The following NPLOC4 variants were observed in gnomAD, a reference collection of about 807,000 sequenced individuals.
NPLOC4 encodes nuclear protein localization protein 4 homolog.
A neutral mutation model predicts 80.6 loss-of-function variants in NPLOC4; 18 were observed. The ratio of observed to expected loss-of-function variants is 0.22; its 90% confidence interval spans 0.15 to 0.33. The LOEUF (loss-of-function observed/expected upper bound fraction) is 0.33, where lower values mean the gene tolerates loss of function less well. Among genes scored for constraint, NPLOC4 ranks in the 10% least tolerant of loss-of-function variants. NPLOC4 has a pLI of 1.00. For synonymous variants in NPLOC4, 313 were observed against 301.5 expected (o/e 1.04, Z -0.39); for missense variants, 540 against 786.1 (o/e 0.69, Z 3.74).
At chr17:81,583,190 C>T (rs1332444606) in intron 12 of NPLOC4, among the ~76,000 whole-genome samples, 1 of 152,242 alleles carries the variant, frequency 6.6e-6, no homozygotes, top group Non-Finnish European at 1.5e-5. Flanking sequence ...AAACCTTCCT[C>T]CCCAGCAATT....
Position 81,557,933 on chromosome 17 carries a change from A to T in NPLOC4, c.*1326T>A, listed in dbSNP as rs1355485116. 1 of 152,710 alleles carries T rather than the reference A, an allele frequency of 6.5e-6. No homozygotes were observed. The highest frequency in any genetic ancestry group is 1.5e-5 in the Non-Finnish European group (1 of 68,430). The allele number at this position is 152,710 out of a possible 1,614,324, so 9.5% of individuals were successfully genotyped here. On this transcript the variant is annotated 3_prime_UTR_variant, in exon 17 of 17. Transcript: ENST00000331134. ...AATGTTCTCTGTTCATAGTGCCAAGAATGTGGGTCACGTGGGCTTACCCCC... is the reference window on the plus strand; with the variant it reads ...AATGTTCTCTGTTCATAGTGCCAAGTATGTGGGTCACGTGGGCTTACCCCC...
chr17:81,596,710 C>A (rs542926086), intron 10 of NPLOC4, among the ~76,000 whole-genome samples: 1 of 152,232 alleles, frequency 6.6e-6, no homozygotes, highest in South Asian at 2.1e-4. Context: ...CAAACCACCC[C>A]GCCATGGGCT....
chr17:81,560,996 T>C (rs758344457), intron 16 of NPLOC4: 1 of 152,186 alleles, frequency 6.6e-6, no homozygotes, highest in Non-Finnish European at 1.5e-5. Flanking sequence ...TTTTTGTTGT[T>C]GCCGAGGCTG....
chr17:81,627,640 G>T (rs1039986122), intron 2 of NPLOC4, among the ~76,000 whole-genome samples: 13 of 152,058 alleles, frequency 8.5e-5, no homozygotes, highest in African/African-American at 3.1e-4. Flanking sequence ...TCGGAAGGCT[G>T]AGGCAGAATT....
chr17:81,590,368 T>G (rs1301702996), intron 11 of NPLOC4, among the ~76,000 whole-genome samples: 1 of 152,168 alleles, frequency 6.6e-6, no homozygotes, highest in Non-Finnish European at 1.5e-5. Flanking sequence ...TTAGACCAGA[T>G]CCCTGAAGTG....
intron 9 of NPLOC4, among the ~76,000 whole-genome samples, chr17:81,598,094 CA>C (rs71367068): frequency 0.43 from 38,218 of 88,220 alleles, 5,751 homozygotes; most frequent in Middle Eastern, 0.49. Context: ...GACTCTGTCT[CA>C]AAAAAAAAAA....
chr17:81,618,793 T>C (rs1419868680), intron 3 of NPLOC4, among the ~76,000 whole-genome samples: 1 of 151,904 alleles, frequency 6.6e-6, no homozygotes, highest in Non-Finnish European at 1.5e-5. Flanking sequence ...GATTGAGAAA[T>C]CGGATGGTTG....
At chr17:81,621,129 GAAAAGAAAAAA>G (rs747256896) in intron 3 of NPLOC4, among the ~76,000 whole-genome samples, 1 of 144,672 alleles carries the variant, frequency 6.9e-6, no homozygotes, top group Admixed American at 6.9e-5. Context: ...AGGAAGGAAA[GAAAAGAAAAAA>G]AAAAGAAAAA....
intron 12 of NPLOC4, among the ~76,000 whole-genome samples, chr17:81,576,832 G>A (rs1007455669): frequency 6.6e-6 from 1 of 152,192 alleles, no homozygotes; most frequent in Non-Finnish European, 1.5e-5. Context: ...TCCTGGGCCT[G>A]CCTGGTCCTT....
chr17:81,624,221 C>A (rs770464357), intron 2 of NPLOC4, among the ~76,000 whole-genome samples: 1 of 152,150 alleles, frequency 6.6e-6, no homozygotes, highest in Non-Finnish European at 1.5e-5. Flanking sequence ...GAGATCGAGG[C>A]CAGCCTGGCC....
At position 81,618,069 on chromosome 17, in the gene NPLOC4, C is replaced by T. The variant is rs933614820; in HGVS notation, c.209+4097G>A. ...AAGTGCCGAGACTGCAGCCTCTGCC[C>T]GGCCGCCACCCCGTCTGGGAAGTGA... is the stretch of plus-strand genomic sequence containing the variant. On this transcript the variant is annotated intron_variant, in intron 3 of 16. Transcript: ENST00000331134. Among the ~76,000 whole-genome samples, 25 of 152,186 alleles carry T rather than the reference C, an allele frequency of 1.6e-4. 1 individual carries two copies. Among genetic ancestry groups the T allele is most frequent in the Non-Finnish European group, 4.4e-5 (3 of 68,014 alleles).
chr17:81,559,066 C>T lies in NPLOC4; in HGVS notation c.*193G>A. The T allele has an allele frequency of 1.6e-6, 1 of 607,672 alleles. No individual in the cohort carries two copies. The highest frequency in any genetic ancestry group is 2.8e-6 in the Non-Finnish European group (1 of 353,852). The allele number at this position is 607,672 out of a possible 1,614,324, so 37.6% of individuals were successfully genotyped here. On this transcript the variant is annotated 3_prime_UTR_variant, in exon 17 of 17. Coordinates refer to ENST00000331134, the MANE Select transcript of NPLOC4 (RefSeq NM_017921.4). ...AGACTGCATTCAGCCTGCAGAATACCAGCCGTGGCGCCCGCTCTCCAGGGA... is the reference window on the plus strand; with the variant it reads ...AGACTGCATTCAGCCTGCAGAATACTAGCCGTGGCGCCCGCTCTCCAGGGA...
At position 81,588,922 on chromosome 17, in the gene NPLOC4, C is replaced by T. The variant is rs780596917; in HGVS notation, c.1281+22G>A. ...CACACCATTCTCCATGTACAGAGTT[C>T]TTTTTCTTACCATACTTTTACCTTA... On this transcript the variant is annotated intron_variant, in intron 12 of 16. Transcript: ENST00000331134. 6 of 1,605,624 alleles carry T rather than the reference C, an allele frequency of 3.7e-6. No individual in the cohort carries two copies. The African/African-American group carries it at 8.0e-5, about 22-fold the overall frequency.
rs939465812 is a variant in NPLOC4 at position 81,559,089 on chromosome 17, G to A, written c.*170C>T. ...ACCAGCCGTGGCGCCCGCTCTCCAGGGAGGAACGTGCTGAGAAGCTTCAGT... is the reference window on the plus strand; with the variant it reads ...ACCAGCCGTGGCGCCCGCTCTCCAGAGAGGAACGTGCTGAGAAGCTTCAGT... On this transcript the variant is annotated 3_prime_UTR_variant, in exon 17 of 17. Transcript: ENST00000331134. The A allele has an allele frequency of 3.8e-5, 27 of 706,294 alleles. No homozygotes were observed. The East Asian group carries it at 4.5e-4, about 12-fold the overall frequency. The allele number at this position is 706,294 out of a possible 1,614,324, so 43.8% of individuals were successfully genotyped here.
intron 3 of NPLOC4, among the ~76,000 whole-genome samples, chr17:81,616,953 CA>C (rs1409564705): frequency 6.6e-6 from 1 of 152,208 alleles, no homozygotes; most frequent in Non-Finnish European, 1.5e-5. Flanking sequence ...TGGCAGGCAC[CA>C]AAGTCAGTGG....
intron 1 of NPLOC4, chr17:81,636,380 CTG>C (rs1481906379): frequency 6.6e-6 from 1 of 152,368 alleles, no homozygotes; most frequent in Non-Finnish European, 1.5e-5. Context: ...CGGCAAGTTA[CTG>C]TGTTTTCATT....
chr17:81,585,665 G>A (rs536248068), intron 12 of NPLOC4, among the ~76,000 whole-genome samples: 3 of 147,186 alleles, frequency 2.0e-5, no homozygotes, highest in African/African-American at 7.6e-5. Flanking sequence ...CATTTCTGGG[G>A]GGGGGGGGAA....
chr17:81,587,162 T>C (rs1006015367), intron 12 of NPLOC4, among the ~76,000 whole-genome samples: 1 of 152,150 alleles, frequency 6.6e-6, no homozygotes, highest in Admixed American at 6.5e-5. Flanking sequence ...TGATATGAGT[T>C]AGTATATAAG....
chr17:81,569,258 C>T (rs568816803), intron 13 of NPLOC4, 147 bp from the exon 14 acceptor site: 92 of 615,342 alleles, frequency 1.5e-4, no homozygotes, highest in African/African-American at 1.5e-3. Context: ...CAAAGGGAAC[C>T]GTTATCTATT....
Sources: allele counts gnomAD v4.1 joint callset (sites outside exome capture counted in the v4.1 genomes callset), GRCh38; gene constraint gnomAD v4.1.1; transcripts MANE v1.5; gene names NCBI Gene and HGNC (gene_info 2026-07-23, HGNC 2026-07-21).